The following BDP1 variants were observed in gnomAD, a reference collection of about 807,000 sequenced individuals.
The protein encoded by BDP1 is BDP1 general transcription factor IIIB subunit, also known as transcription factor TFIIIB component B'' homolog.
Under a neutral mutation model 266.6 loss-of-function variants are expected in BDP1, and 169 were observed. The observed-to-expected ratio is 0.63, with a 90% CI of 0.56 to 0.72. BDP1 has a LOEUF of 0.72. Among genes scored for constraint, BDP1 ranks in the 30% least tolerant of loss-of-function variants. BDP1 has a pLI of 0.00. For missense variants in BDP1, 3,015 were observed against 3,053.8 expected (o/e 0.99, Z 0.30); for synonymous variants, 1,090 against 1,022.4 (o/e 1.07, Z -1.26).
intron 30 of BDP1, among the ~76,000 whole-genome samples, chr5:71,543,252 G>A (rs1183139666): frequency 6.6e-5 from 10 of 152,080 alleles, no homozygotes; most frequent in African/African-American, 2.2e-4. Context: ...ACTGTACTCC[G>A]GCCTGGGCAG....
chr5:71,536,703 G>A (rs950552771), intron 26 of BDP1, among the ~76,000 whole-genome samples: 4 of 152,116 alleles, frequency 2.6e-5, no homozygotes, highest in South Asian at 2.1e-4. Context: ...GGTGGCATGC[G>A]CCTGTGGTCC....
intron 26 of BDP1, among the ~76,000 whole-genome samples, chr5:71,533,792 A>G (rs1459887787): frequency 1.3e-5 from 2 of 151,990 alleles, no homozygotes; most frequent in Non-Finnish European, 2.9e-5. Flanking sequence ...TGTCCTAGTG[A>G]GTGTGAAGTG....
chr5:71,539,064 TC>T lies in BDP1; in HGVS notation c.5917del (p.Gln1973LysfsTer15). ...TAGGAAATGACCACAAGTGAACATA[TC>T]CAAGATGAACCAGGTAACTGTTATC... ...VPFEMTTSEH[I>X]QDEPGTNDGS... is the part of the protein sequence containing the mutation. On this transcript the variant is annotated frameshift_variant, in exon 27 of 39. Transcript: ENST00000358731. LOFTEE classifies it high-confidence loss of function. 1 of 1,603,848 alleles carries T rather than the reference TC, an allele frequency of 6.2e-7. No homozygotes were observed. The highest frequency in any genetic ancestry group is 8.5e-7 in the Non-Finnish European group (1 of 1,173,460).
At chr5:71,515,733 G>A (rs763824364) in intron 20 of BDP1, among the ~76,000 whole-genome samples, 1 of 151,900 alleles carries the variant, frequency 6.6e-6, no homozygotes, top group African/African-American at 2.4e-5. Context: ...TTCATCTCTA[G>A]ACTTTCTTTT....
At chr5:71,511,272 C>A in intron 17 of BDP1, 121 bp downstream of exon 17, 1 of 952,404 alleles carries the variant, frequency 1.0e-6, no homozygotes, top group Non-Finnish European at 1.6e-6. Context: ...AGTCTAAAGT[C>A]TTTTGTAGCC....
intron 16 of BDP1, among the ~76,000 whole-genome samples, chr5:71,506,784 G>A (rs1427715004): frequency 1.7e-5 from 1 of 60,236 alleles, no homozygotes; most frequent in African/African-American, 5.9e-5. Context: ...ATATATATTT[G>A]AAACACACAC....
intron 7 of BDP1, among the ~76,000 whole-genome samples, chr5:71,471,665 G>C (rs966000020): frequency 3.9e-5 from 6 of 152,142 alleles, no homozygotes; most frequent in African/African-American, 1.4e-4. Flanking sequence ...CTTTGCTTGA[G>C]AAACTTTATA....
chr5:71,480,593 A>G (rs1354215601), intron 7 of BDP1, among the ~76,000 whole-genome samples: 1 of 140,086 alleles, frequency 7.1e-6, no homozygotes, highest in Non-Finnish European at 1.5e-5. Flanking sequence ...TTGAGATGGA[A>G]TCTCACTCTG....
At position 71,548,731 on chromosome 5, in the gene BDP1, C is replaced by T; in HGVS notation, c.6794C>T (p.Pro2265Leu). Residue 2265 changes from proline (P) to leucine (L), a missense_variant, in exon 33 of 39, where the codon CCT becomes CTT. Coordinates refer to ENST00000358731, the MANE Select transcript of BDP1 (RefSeq NM_018429.3). Reference sequence around the variant, plus strand: ...GTCCAACAAGAGAATATAATCAATCCTCAAGACCTAACAGGTATGATAATA... The same window carrying T: ...GTCCAACAAGAGAATATAATCAATCTTCAAGACCTAACAGGTATGATAATA... ...PEVQQENIIN[P>L]QDLTVNLVAN... 2 of 1,601,336 alleles carry T rather than the reference C, an allele frequency of 1.2e-6. No individual in the cohort carries two copies. Among genetic ancestry groups the T allele is most frequent in the African/African-American group, 1.3e-5 (1 of 74,672 alleles).
At chr5:71,523,588 AGAGGCGT>A (rs1375681256) in intron 24 of BDP1, among the ~76,000 whole-genome samples, 1 of 152,232 alleles carries the variant, frequency 6.6e-6, no homozygotes, top group East Asian at 1.9e-4. Context: ...TGCTGGGAGT[AGAGGCGT>A]GAGCTACTGC....
At chr5:71,556,034 G>T (rs1743193891) in intron 35 of BDP1, among the ~76,000 whole-genome samples, 1 of 151,934 alleles carries the variant, frequency 6.6e-6, no homozygotes. Flanking sequence ...CTTGTTTTGT[G>T]TCTTTCTATT....
chr5:71,518,840 T>G (rs1480497339), intron 22 of BDP1, among the ~76,000 whole-genome samples: 1 of 149,952 alleles, frequency 6.7e-6, no homozygotes, highest in African/African-American at 2.4e-5. Flanking sequence ...GATTACTTTT[T>G]TTTTTTTTTT....
chr5:71,522,445 T>C lies in BDP1; in HGVS notation c.5148T>C (p.Asp1716=). The C allele has an allele frequency of 6.2e-7, 1 of 1,612,664 alleles. No homozygotes were observed. The highest frequency in any genetic ancestry group is 8.5e-7 in the Non-Finnish European group (1 of 1,179,804). The change falls in exon 23 of 39, where the codon GAT becomes GAC. Residue 1716 remains aspartate, a synonymous_variant. Coordinates refer to ENST00000358731, the MANE Select transcript of BDP1 (RefSeq NM_018429.3). ...TDQSKEGKPE[D]HLLQKGASNT... ...AGAGCAAGGAAGGCAAGCCAGAAGA[T>C]CATTTGCTGCAGAAAGGAGCTTCCA...
downstream of BDP1, among the ~76,000 whole-genome samples, chr5:71,568,573 A>G (rs565367039): frequency 2.6e-5 from 4 of 152,232 alleles, no homozygotes; most frequent in East Asian, 3.9e-4. Flanking sequence ...GGTGCGAGCA[A>G]TCCTCCCAGG....
rs144115941 is a variant in BDP1, at chr5:71,527,819, T to C, written c.5772+3496T>C. Among the ~76,000 whole-genome samples the C allele has an allele frequency of 3.4e-3, 509 of 150,938 alleles. 2 individuals are homozygous for C. Among genetic ancestry groups the C allele is most frequent in the African/African-American group, 0.011 (468 of 41,026 alleles). On this transcript the variant is annotated intron_variant, in intron 25 of 38. Transcript: ENST00000358731. ...TGGATCGTATGGTAATTCTTTTAAT[T>C]CTTTTTTTTTTTTTTTGAGATGGAG...
At chr5:71,479,547 T>C (rs1264927022) in intron 7 of BDP1, among the ~76,000 whole-genome samples, 1 of 151,970 alleles carries the variant, frequency 6.6e-6, no homozygotes, top group African/African-American at 2.4e-5. Flanking sequence ...TGGGATCTTT[T>C]TCTTTTTCTT....
intron 34 of BDP1, among the ~76,000 whole-genome samples, chr5:71,552,688 CG>C (rs1742928062): frequency 6.9e-6 from 1 of 144,710 alleles, no homozygotes; most frequent in Non-Finnish European, 1.6e-5. Context: ...GGTGTGGTGT[CG>C]CGCGCCTGCA....
chr5:71,535,330 G>A (rs1214779641), intron 26 of BDP1, among the ~76,000 whole-genome samples: 1 of 151,768 alleles, frequency 6.6e-6, no homozygotes, highest in African/African-American at 2.4e-5. Context: ...TCAGCCTCCA[G>A]AGTAGCTGGG....
At chr5:71,463,001 C>T (rs896132339) in intron 3 of BDP1, among the ~76,000 whole-genome samples, 5 of 151,826 alleles carry the variant, frequency 3.3e-5, no homozygotes, top group Admixed American at 6.6e-5. Flanking sequence ...GGCATTGTGG[C>T]GCACAGGAGG....
Sources: allele counts gnomAD v4.1 joint callset (sites outside exome capture counted in the v4.1 genomes callset), GRCh38; gene constraint gnomAD v4.1.1; transcripts MANE v1.5; gene names NCBI Gene and HGNC (gene_info 2026-07-23, HGNC 2026-07-21).